SMURF2: variants seen among roughly 807,000 people sequenced by gnomAD.
SMURF2 encodes SMAD specific E3 ubiquitin protein ligase 2, also known as E3 ubiquitin-protein ligase SMURF2.
Under a neutral mutation model 109.6 loss-of-function variants are expected in SMURF2, and 48 were observed. The ratio of observed to expected loss-of-function variants is 0.44; its 90% CI spans 0.35 to 0.56. SMURF2 has a LOEUF of 0.56. Ranked by LOEUF, SMURF2 falls within the 20% of genes least tolerant of loss-of-function variation. SMURF2 has a pLI of 0.01. For synonymous variants in SMURF2, 288 were observed against 317.1 expected, an observed-to-expected ratio of 0.91 and a Z score of 0.97; for missense variants, 575 against 909.0, an observed-to-expected ratio of 0.63 and a Z score of 4.72.
At chr17:64,613,844 A>G (rs1454898964) in intron 1 of SMURF2, among the ~76,000 whole-genome samples, 1 of 151,644 alleles carries the variant, frequency 6.6e-6, no homozygotes, top group African/African-American at 2.4e-5. Flanking sequence ...ATTGTAATAT[A>G]TAATAGAATA....
At chr17:64,563,959 A>C (rs2144608832) in intron 10 of SMURF2, among the ~76,000 whole-genome samples, 1 of 152,318 alleles carries the variant, frequency 6.6e-6, no homozygotes, top group African/African-American at 2.4e-5. Flanking sequence ...CTAAAAGACA[A>C]GTCAAGTCAT....
intron 5 of SMURF2, among the ~76,000 whole-genome samples, chr17:64,587,684 G>A (rs1311253338): frequency 1.6e-4 from 24 of 152,116 alleles, no homozygotes; most frequent in Non-Finnish European, 3.5e-4. Context: ...GTTCAACACA[G>A]AGCTCCTTGA....
chr17:64,640,820 G>A (rs1042225298), intron 1 of SMURF2, among the ~76,000 whole-genome samples: 1 of 151,492 alleles, frequency 6.6e-6, no homozygotes, highest in East Asian at 1.9e-4. Context: ...TCAGAAGGCT[G>A]AGGCAGGAGA....
chr17:64,601,234 T>G (rs1160133385), intron 2 of SMURF2, among the ~76,000 whole-genome samples: 1 of 151,976 alleles, frequency 6.6e-6, no homozygotes, highest in Non-Finnish European at 1.5e-5. Flanking sequence ...CCAACCTGGT[T>G]GACAGAGCAA....
At position 64,606,637 on chromosome 17, in the gene SMURF2, A is replaced by G. The variant is rs1969975008; in HGVS notation, c.56T>C (p.Leu19Pro). The stretch of plus-strand genomic sequence containing the variant: ...CTTTTTCACCAGGTTTTTTGCACAG[A>G]GTACTGTAAAAAAAAAAAACAAAAA... ...NGPVKLRLTV[L>P]CAKNLVKKDF... Residue 19 changes from leucine (L) to proline (P), a missense_variant, in exon 2 of 19, where the codon CTC (leucine) becomes CCC (proline). Transcript: ENST00000262435. The G allele has an allele frequency of 2.6e-6, 4 of 1,530,164 alleles. No individual in the cohort carries two copies. Among genetic ancestry groups the G allele is most frequent in the Non-Finnish European group, 3.5e-6 (4 of 1,132,402 alleles). The allele number at this position is 1,530,164 out of a possible 1,614,324, so 94.8% of individuals were successfully genotyped here. A position where few individuals can be genotyped will look rare whatever the true frequency, so the allele number is the denominator to read the frequency against.
chr17:64,631,288 G>GAGAGAC, intron 1 of SMURF2, among the ~76,000 whole-genome samples: 1 of 65,234 alleles, frequency 1.5e-5, no homozygotes, highest in Admixed American at 1.6e-4. Context: ...GGGGGAGAGA[G>GAGAGAC]AGAGAGAGAG....
At chr17:64,574,923 C>A (rs530018657) in intron 9 of SMURF2, among the ~76,000 whole-genome samples, 1 of 152,122 alleles carries the variant, frequency 6.6e-6, no homozygotes, top group East Asian at 1.9e-4. Flanking sequence ...TATTGTAAAT[C>A]ATTTAGTTAA....
At chr17:64,626,769 AAAAC>A (rs1179352049) in intron 1 of SMURF2, among the ~76,000 whole-genome samples, 1 of 149,420 alleles carries the variant, frequency 6.7e-6, no homozygotes, top group African/African-American at 2.4e-5. Context: ...TCAAAAAAAC[AAAAC>A]AAAACAAAAC....
In SMURF2 at chr17:64,662,151, CCCG is replaced by C; in HGVS notation, c.-274_-272del. On this transcript the variant is annotated 5_prime_UTR_variant, in exon 1 of 19. Coordinates refer to ENST00000262435, the MANE Select transcript of SMURF2 (RefSeq NM_022739.4). ...CGCCCGCGCCGCCTCCGCCCGCGCC[CCCG>C]CCGCCTCCTCGCGGCCGCCGAGGCC... 2.9e-6 allele frequency: 3 copies of C among 1,034,852 alleles called. No individual in the cohort carries two copies. Among genetic ancestry groups the C allele is most frequent in the Non-Finnish European group, 3.5e-6 (3 of 863,052 alleles). 64.1% of individuals were successfully genotyped at this position (1,034,852 alleles called of 1,614,324 possible).
At chr17:64,555,714 C>A (rs1555683971) in intron 14 of SMURF2, 106 bp downstream of exon 14, 1 of 680,626 alleles carries the variant, frequency 1.5e-6, no homozygotes. Context: ...ACTCAAATAA[C>A]CACTCAATAT....
At chr17:64,637,339 C>T (rs1970430434) in intron 1 of SMURF2, among the ~76,000 whole-genome samples, 1 of 151,898 alleles carries the variant, frequency 6.6e-6, no homozygotes, top group South Asian at 2.1e-4. Context: ...GTTGGCCAGA[C>T]TGGTCCCGAA....
intron 1 of SMURF2, among the ~76,000 whole-genome samples, chr17:64,646,984 A>C (rs1970567682): frequency 6.6e-6 from 1 of 152,136 alleles, no homozygotes; most frequent in Non-Finnish European, 1.5e-5. Context: ...TCATTATTTT[A>C]TTTCACCCTT....
intron 1 of SMURF2, among the ~76,000 whole-genome samples, chr17:64,607,977 C>T (rs140032999): frequency 0.038 from 5,505 of 145,380 alleles, 349 homozygotes; most frequent in African/African-American, 0.13. Flanking sequence ...CCAGCCTGGG[C>T]GACAGAGCAA....
chr17:64,592,352 T>A (rs1555687767), intron 4 of SMURF2, among the ~76,000 whole-genome samples: 1 of 152,192 alleles, frequency 6.6e-6, no homozygotes, highest in East Asian at 1.9e-4. Flanking sequence ...TTTTTTCCAA[T>A]CCCAGTGTCT....
At chr17:64,590,187 G>A (rs1555687557) in intron 5 of SMURF2, among the ~76,000 whole-genome samples, 1 of 143,954 alleles carries the variant, frequency 6.9e-6, no homozygotes, top group African/African-American at 2.7e-5. Flanking sequence ...TTGTCACCCA[G>A]CTGGAGTGCA....
At chr17:64,590,339 C>CA (rs1424291199) in intron 5 of SMURF2, among the ~76,000 whole-genome samples, 1 of 151,878 alleles carries the variant, frequency 6.6e-6, no homozygotes, top group Non-Finnish European at 1.5e-5. Context: ...GATGGGGTTT[C>CA]ACCATGTTGG....
chr17:64,593,710 G>T, intron 3 of SMURF2, 137 bp from the exon 4 acceptor site: 1 of 650,506 alleles, frequency 1.5e-6, no homozygotes, highest in Non-Finnish European at 2.4e-6. Flanking sequence ...TATGTCTTGA[G>T]TTAATCCACA....
intron 5 of SMURF2, among the ~76,000 whole-genome samples, chr17:64,587,449 G>T (rs1358639688): frequency 1.3e-5 from 2 of 152,156 alleles, no homozygotes; most frequent in Non-Finnish European, 2.9e-5. Flanking sequence ...AAAAAGTTAC[G>T]TTAAATTATA....
intron 6 of SMURF2, among the ~76,000 whole-genome samples, chr17:64,583,800 A>AACAAT (rs1487157123): frequency 6.6e-6 from 1 of 152,176 alleles, no homozygotes; most frequent in Non-Finnish European, 1.5e-5. Flanking sequence ...TAATAATGTC[A>AACAAT]ACAATACACA....
Sources: allele counts gnomAD v4.1 joint callset (sites outside exome capture counted in the v4.1 genomes callset), GRCh38; gene constraint gnomAD v4.1.1; transcripts MANE v1.5; gene names NCBI Gene and HGNC (gene_info 2026-07-23, HGNC 2026-07-21).